Variants in ATP2B3 observed in about 807,000 individuals in gnomAD.
ATP2B3 encodes ATPase plasma membrane Ca2+ transporting 3.
Under a neutral mutation model 70.8 loss-of-function variants are expected in ATP2B3, and 12 were observed. The observed-to-expected ratio is 0.17, with a 90% CI of 0.11 to 0.27. The LOEUF is 0.27. ATP2B3 is among the 10% of genes least tolerant of loss of function. ATP2B3 has a pLI of 1.00. For synonymous variants in ATP2B3, 460 were observed against 497.8 expected, an observed-to-expected ratio of 0.92 and a Z score of 1.01; for missense variants, 858 against 1,118.5, an observed-to-expected ratio of 0.77 and a Z score of 3.32.
chrX:153,554,703 T>C (rs1294487388), intron 13 of ATP2B3, among the ~76,000 whole-genome samples: 1 of 112,694 alleles, frequency 8.9e-6, no homozygotes, highest in East Asian at 2.8e-4. Flanking sequence ...GGCTGGGCCC[T>C]GGGGAGCCAT....
Position 153,582,619 on chromosome X carries a change from GT to G in ATP2B3, c.*2323del, listed in dbSNP as rs1390681113. 1.8e-5 allele frequency: 2 copies of G among 112,745 alleles called. No homozygotes were observed. The highest frequency in any genetic ancestry group is 6.5e-5 in the African/African-American group (2 of 30,896). The allele number at this position is 112,745 out of a possible 1,213,427, so 9.3% of individuals were successfully genotyped here. A position where few individuals can be genotyped will look rare whatever the true frequency, so the allele number is the denominator to read the frequency against. On this transcript the variant is annotated 3_prime_UTR_variant, in exon 22 of 22. Transcript: ENST00000263519. ...GGTCACCTTTGTGCTGTGCTGTGGA[GT>G]TCAGAAACGGGGTACCATGACCTGG...
intron 21 of ATP2B3, among the ~76,000 whole-genome samples, chrX:153,571,019 C>CACACACAT (rs1269540687): frequency 1.8e-5 from 2 of 108,324 alleles, no homozygotes; most frequent in Non-Finnish European, 3.9e-5. Flanking sequence ...CACACACACA[C>CACACACAT]ACACACACAC....
rs537455496 is a variant in ATP2B3 at position 153,521,337 on chromosome X, G to A, written c.-127+2786G>A. On this transcript the variant is annotated intron_variant, in intron 2 of 21. Transcript: ENST00000263519. ...CTGCGGAGAAGGATCAGAGCCACGC[G>A]TCACTGGGGCAGAGGGAAGCAGGCT... is the stretch of plus-strand genomic sequence containing the variant. Among the ~76,000 whole-genome samples, 70 of 113,022 alleles carry A rather than the reference G, an allele frequency of 6.2e-4. No individual in the cohort carries two copies. In the South Asian group the frequency reaches 0.024, roughly 39 times the overall value.
chrX:153,548,645 G>A lies in ATP2B3; in HGVS notation c.1129G>A (p.Val377Met), dbSNP rs41299126. Residue 377 changes from valine (V) to methionine (M), a missense_variant, in exon 10 of 22, where the codon GTG (valine) becomes ATG (methionine). Val to Met is a conservative substitution (Grantham distance 21, BLOSUM62 1). Transcript: ENST00000263519. ...TCCTCCCCGCTCTGTGGCAGGGCTG[G>A]TGATGTCTGCCATCACCGTCATCAT... is the stretch of plus-strand genomic sequence containing the variant. ...LAVQIGKAGL[V>M]MSAITVIILV... 5 of 1,209,426 alleles carry A rather than the reference G, an allele frequency of 4.1e-6. No homozygotes were observed. In the Admixed American group the frequency reaches 8.7e-5, roughly 21 times the overall value.
rs782767945 is a variant in ATP2B3, at chrX:153,580,136, C to T, written c.3501C>T (p.Asn1167=). The T allele has an allele frequency of 7.4e-5, 90 of 1,212,226 alleles. No homozygotes were observed. The South Asian group carries it at 1.3e-3, about 17-fold the overall frequency. ...PLIDDTDVDE[N]EERLRAPPPP... Reference sequence around the variant, plus strand: ...TTGACGACACGGACGTGGACGAGAACGAGGAGCGCCTCCGGGCCCCCCCGC... The same window carrying T: ...TTGACGACACGGACGTGGACGAGAATGAGGAGCGCCTCCGGGCCCCCCCGC... The change falls in exon 22 of 22, where the codon AAC becomes AAT. Residue 1167 remains asparagine, a synonymous_variant. Coordinates refer to ENST00000263519, the MANE Select transcript of ATP2B3 (RefSeq NM_001001344.3).
intron 15 of ATP2B3, 113 bp downstream of exon 15, chrX:153,556,531 G>A: frequency 1.2e-6 from 1 of 806,860 alleles, no homozygotes; most frequent in Non-Finnish European, 1.8e-6. Context: ...AGGAAGCTGG[G>A]TCCATTTGTC....
At chrX:153,552,959 C>T in intron 12 of ATP2B3, 76 bp from the exon 13 acceptor site, 2 of 926,966 alleles carry the variant, frequency 2.2e-6, no homozygotes, top group Non-Finnish European at 3.1e-6. Context: ...ACTAAGCCCC[C>T]AATCCAGTGT....
chrX:153,523,529 C>T (rs1264140207), intron 2 of ATP2B3, among the ~76,000 whole-genome samples: 1 of 111,595 alleles, frequency 9.0e-6, no homozygotes, highest in Non-Finnish European at 1.9e-5. Flanking sequence ...TCACTGCAAC[C>T]TTGCCAGCAT....
In ATP2B3 at chrX:153,530,940, C is replaced by A. The variant is rs782637544; in HGVS notation, c.-126-5182C>A. Among the ~76,000 whole-genome samples the A allele has an allele frequency of 6.2e-5, 7 of 112,467 alleles. No homozygotes were observed. In the South Asian group the frequency reaches 1.8e-3, roughly 30 times the overall value. On this transcript the variant is annotated intron_variant, in intron 2 of 21. Transcript: ENST00000263519. Reference sequence around the variant, plus strand: ...CGTGAGGGCCCAGGAGCTGCAGCGACGGTGCCTCTGAAATATTAATGAGGC... The same window carrying A: ...CGTGAGGGCCCAGGAGCTGCAGCGAAGGTGCCTCTGAAATATTAATGAGGC...
At chrX:153,533,502 G>A (rs1169912708) in intron 2 of ATP2B3, among the ~76,000 whole-genome samples, 1 of 110,812 alleles carries the variant, frequency 9.0e-6, no homozygotes. Context: ...GATGGGGATG[G>A]GAGACTGAAA....
rs2090681609 is a variant in ATP2B3 at position 153,564,946 on chromosome X, A to T, written c.3185A>T (p.Gln1062Leu). ...GQVIATIPTS[Q>L]LKCLKEAGHG... ...GTCATTGCCACCATCCCCACCAGCC[A>T]GCTCAAGTGCCTGAAGGAAGCCGGG... The change falls in exon 21 of 22, where the codon CAG (glutamine) becomes CTG (leucine). Residue 1062 changes from glutamine (Q) to leucine (L), a missense_variant. Around this residue, in one of 5 missense-constraint regions of ATP2B3, gnomAD observed 265 missense variants for 305.3 expected, o/e 0.87. Coordinates refer to ENST00000263519, the MANE Select transcript of ATP2B3 (RefSeq NM_001001344.3). The T allele has an allele frequency of 8.4e-7, 1 of 1,196,683 alleles. No homozygotes were observed. Among genetic ancestry groups the T allele is most frequent in the Middle Eastern group, 2.3e-4 (1 of 4,314 alleles).
chrX:153,561,096 G>A (rs1321549563), intron 19 of ATP2B3, among the ~76,000 whole-genome samples: 2 of 112,033 alleles, frequency 1.8e-5, no homozygotes, highest in African/African-American at 6.5e-5. Flanking sequence ...GCCTTGCCCT[G>A]GGTGAGCGCG....
chrX:153,563,768 G>A (rs1557017174), intron 20 of ATP2B3, among the ~76,000 whole-genome samples: 1 of 112,484 alleles, frequency 8.9e-6, no homozygotes, highest in African/African-American at 3.2e-5. Flanking sequence ...CTGTAGCTCG[G>A]CCTCTCAGGG....
intron 2 of ATP2B3, among the ~76,000 whole-genome samples, chrX:153,534,163 A>T (rs782525320): frequency 9.9e-5 from 11 of 110,573 alleles, no homozygotes; most frequent in Non-Finnish European, 2.1e-4. Context: ...GCGCCCTGGC[A>T]GGTGCACCGT....
At chrX:153,532,703 T>C (rs1250086407) in intron 2 of ATP2B3, among the ~76,000 whole-genome samples, 1 of 111,930 alleles carries the variant, frequency 8.9e-6, no homozygotes, top group Non-Finnish European at 1.9e-5. Flanking sequence ...GTCAGAAAGA[T>C]GAAAGAGCAC....
intron 21 of ATP2B3, among the ~76,000 whole-genome samples, chrX:153,573,518 G>T (rs1557020529): frequency 8.9e-6 from 1 of 112,713 alleles, no homozygotes; most frequent in Non-Finnish European, 1.9e-5. Flanking sequence ...CAAGAGCCCT[G>T]CCCTAGGCTT....
chrX:153,555,609 C>T (rs1557013159), intron 13 of ATP2B3, among the ~76,000 whole-genome samples: 1 of 112,169 alleles, frequency 8.9e-6, no homozygotes, highest in East Asian at 2.8e-4. Flanking sequence ...CACCACCTCC[C>T]GGCCAGTCTC....
chrX:153,553,855 G>T (rs1184366597), intron 13 of ATP2B3, among the ~76,000 whole-genome samples: 4 of 113,137 alleles, frequency 3.5e-5, no homozygotes, highest in Non-Finnish European at 7.5e-5. Flanking sequence ...GAGTGTGGAG[G>T]ATGGCCGGCC....
chrX:153,556,857 C>A, intron 15 of ATP2B3, 60 bp from the exon 16 acceptor site: 4 of 1,115,084 alleles, frequency 3.6e-6, no homozygotes, highest in Non-Finnish European at 4.9e-6. Flanking sequence ...CTGGGCAGGG[C>A]TACACAGGGT....
Sources: allele counts gnomAD v4.1 joint callset (sites outside exome capture counted in the v4.1 genomes callset), GRCh38; gene constraint gnomAD v4.1.1; regional missense constraint gnomAD v4.1.1; transcripts MANE v1.5; gene names NCBI Gene and HGNC (gene_info 2026-07-23, HGNC 2026-07-21).